Variants in TAFA2 observed in about 807,000 individuals in gnomAD.
TAFA2 encodes the protein TAFA chemokine like family member 2.
TAFA2 carries 7 observed loss-of-function variants against 18.8 expected under a neutral mutation model. That is an observed-to-expected ratio of 0.37 (90% CI 0.21 to 0.70). The LOEUF (loss-of-function observed/expected upper bound fraction) is 0.70, where lower values mean the gene tolerates loss of function less well. TAFA2 is among the 30% of genes least tolerant of loss of function. The pLI is 0.53. For synonymous variants in TAFA2, 60 were observed against 54.2 expected, an observed-to-expected ratio of 1.11 and a Z score of -0.47; for missense variants, 122 against 158.1, an observed-to-expected ratio of 0.77 and a Z score of 1.23.
intron 2 of TAFA2, among the ~76,000 whole-genome samples, chr12:61,863,290 G>A (rs1481275217): frequency 6.6e-6 from 1 of 152,190 alleles, no homozygotes; most frequent in Admixed American, 6.5e-5. Flanking sequence ...GAAGAAGACA[G>A]CCGCTGTGCA....
At chr12:61,742,141 T>G (rs562002622) in intron 4 of TAFA2, among the ~76,000 whole-genome samples, 1 of 152,242 alleles carries the variant, frequency 6.6e-6, no homozygotes, top group South Asian at 2.1e-4. Flanking sequence ...GAGATCCGTC[T>G]GCTTCTGCCT....
intron 2 of TAFA2, among the ~76,000 whole-genome samples, chr12:61,802,562 A>G (rs772427550): frequency 2.0e-5 from 3 of 152,034 alleles, no homozygotes; most frequent in Non-Finnish European, 4.4e-5. Context: ...TGTTGAGGGC[A>G]TAGAAGTGGA....
At chr12:61,882,772 T>C (rs1284253698) in intron 1 of TAFA2, among the ~76,000 whole-genome samples, 1 of 152,162 alleles carries the variant, frequency 6.6e-6, no homozygotes, top group Non-Finnish European at 1.5e-5. Context: ...ACAGAAAGAA[T>C]GCAGGATTTG....
intron 1 of TAFA2, among the ~76,000 whole-genome samples, chr12:62,068,822 T>C (rs1450976538): frequency 6.6e-6 from 1 of 152,116 alleles, no homozygotes; most frequent in Non-Finnish European, 1.5e-5. Flanking sequence ...ATTACATCCA[T>C]CAGAAATATT....
chr12:62,081,566 C>A (rs1370982708), intron 1 of TAFA2, among the ~76,000 whole-genome samples: 1 of 151,982 alleles, frequency 6.6e-6, no homozygotes, highest in Non-Finnish European at 1.5e-5. Context: ...CTCACTACAA[C>A]CTCCGCCTCC....
chr12:61,742,170 C>T (rs965263228), intron 4 of TAFA2, among the ~76,000 whole-genome samples: 1 of 152,136 alleles, frequency 6.6e-6, no homozygotes, highest in African/African-American at 2.4e-5. Context: ...GCTGGGATTA[C>T]AGGCATGAGC....
At chr12:61,924,146 C>T (rs1425904455) in intron 1 of TAFA2, among the ~76,000 whole-genome samples, 2 of 152,032 alleles carry the variant, frequency 1.3e-5, no homozygotes, top group Non-Finnish European at 2.9e-5. Flanking sequence ...GAGAAAGGAA[C>T]CAAGTTGGAA....
At chr12:62,142,184 A>G (rs1262206711) in intron 1 of TAFA2, among the ~76,000 whole-genome samples, 1 of 152,212 alleles carries the variant, frequency 6.6e-6, no homozygotes, top group Non-Finnish European at 1.5e-5. Context: ...AACCTATCTG[A>G]GACAGTTTTG....
At chr12:61,765,790 T>C (rs1316339374) in intron 2 of TAFA2, among the ~76,000 whole-genome samples, 1 of 152,124 alleles carries the variant, frequency 6.6e-6, no homozygotes. Context: ...ATCTAAGAGA[T>C]AATCATAGAT....
intron 4 of TAFA2, among the ~76,000 whole-genome samples, chr12:61,723,813 T>C (rs926249669): frequency 6.6e-6 from 1 of 152,114 alleles, no homozygotes; most frequent in Non-Finnish European, 1.5e-5. Flanking sequence ...TTACAGTTAA[T>C]ATTTCAGTTA....
At chr12:61,807,391 AC>A (rs1260854269) in intron 2 of TAFA2, among the ~76,000 whole-genome samples, 4 of 151,432 alleles carry the variant, frequency 2.6e-5, no homozygotes, top group Admixed American at 6.6e-5. Flanking sequence ...CAGAAGATGT[AC>A]GGAAGTGCCT....
At chr12:62,257,156 A>G (rs920519710) in intron 1 of TAFA2, among the ~76,000 whole-genome samples, 1 of 3,092 alleles carries the variant, frequency 3.2e-4, no homozygotes, top group Non-Finnish European at 8.9e-4. Context: ...ATATATATAC[A>G]TATATATGTG....
chr12:62,242,440 ATTTG>A (rs141837734), intron 1 of TAFA2: 14,227 of 152,320 alleles, frequency 0.093, 730 homozygotes, highest in Middle Eastern at 0.18. Context: ...ATAGAGATTT[ATTTG>A]TTTATTAATT....
At chr12:62,078,222 G>A (rs557791656) in intron 1 of TAFA2, among the ~76,000 whole-genome samples, 22 of 152,040 alleles carry the variant, frequency 1.4e-4, no homozygotes, top group African/African-American at 5.1e-4. Flanking sequence ...TAACTTACCC[G>A]GCCAAGCTGA....
At chr12:61,732,336 T>C (rs1408987135) in intron 4 of TAFA2, among the ~76,000 whole-genome samples, 1 of 152,160 alleles carries the variant, frequency 6.6e-6, no homozygotes, top group African/African-American at 2.4e-5. Context: ...GTCTGTTTAC[T>C]TCCTTGTTTA....
chr12:62,084,395 G>A (rs1868374419), intron 1 of TAFA2, among the ~76,000 whole-genome samples: 1 of 152,094 alleles, frequency 6.6e-6, no homozygotes, highest in Non-Finnish European at 1.5e-5. Context: ...TAACACAAAC[G>A]ATGCTGAGCA....
chr12:62,010,520 C>T (rs1035098021), intron 1 of TAFA2, among the ~76,000 whole-genome samples: 1 of 152,182 alleles, frequency 6.6e-6, no homozygotes, highest in Admixed American at 6.5e-5. Flanking sequence ...CTGCACCTTC[C>T]AGCCGCCTGC....
Position 62,224,406 on chromosome 12 carries a change from G to T in TAFA2, c.-130+34357C>A, listed in dbSNP as rs149514252. 1.5e-4 allele frequency among the ~76,000 whole-genome samples: 23 copies of T among 152,214 alleles called. No homozygotes were observed. The South Asian group carries it at 3.3e-3, about 22-fold the overall frequency. The stretch of plus-strand genomic sequence containing the variant: ...TGCCAGTAAATTCTGAGTCTGGTGA[G>T]TGCCCACTTTCTGCTTCATAGGTGG... On this transcript the variant is annotated intron_variant, in intron 1 of 5. Transcript: ENST00000551619.
intron 1 of TAFA2, among the ~76,000 whole-genome samples, chr12:62,251,186 A>G (rs915238971): frequency 3.3e-5 from 5 of 152,220 alleles, no homozygotes; most frequent in African/African-American, 4.8e-5. Flanking sequence ...AATAATGACA[A>G]CAGTATTATG....
Sources: gnomAD v4.1 joint callset for allele counts (sites outside exome capture counted in the v4.1 genomes callset) on GRCh38, gnomAD v4.1.1 for gene constraint, MANE v1.5 for transcripts, NCBI Gene and HGNC (gene_info 2026-07-23, HGNC 2026-07-21) for gene names.